Variants in PNLDC1 observed in about 807,000 individuals in gnomAD.
PNLDC1 encodes PARN like ribonuclease domain containing exonuclease 1.
In PNLDC1, 70 loss-of-function variants were observed where a neutral mutation model predicts 82.0. The ratio of observed to expected loss-of-function variants is 0.85; its 90% CI spans 0.70 to 1.04. The LOEUF (loss-of-function observed/expected upper bound fraction) is 1.04. Among genes scored for constraint, PNLDC1 ranks in the 50% least tolerant of loss-of-function variants. The pLI is 0.00. For synonymous variants in PNLDC1, 280 were observed against 249.3 expected (o/e 1.12, Z -1.16); for missense variants, 631 against 661.1 (o/e 0.95, Z 0.50).
chr6:159,800,251 GGGC>G (rs1253311717), upstream of PNLDC1: 6 of 785,582 alleles, frequency 7.6e-6, no homozygotes, highest in African/African-American at 1.7e-4. Context: ...GGAAGCGCGT[GGGC>G]AGCACGTGGG....
Position 159,818,968 on chromosome 6 carries a change from C to T in PNLDC1, c.1280C>T (p.Pro427Leu). The T allele has an allele frequency of 6.2e-7, 1 of 1,613,892 alleles. No individual in the cohort carries two copies. The highest frequency in any genetic ancestry group is 8.5e-7 in the Non-Finnish European group (1 of 1,179,970). ...PKINFSGPDY[P>L]SIRPPILILS... ...TAGAATTTTTCTGGTCCAGATTATC[C>T]CAGTATCCGACCTCCCATCCTCATC... The change falls in exon 17 of 19, where the codon CCC (proline) becomes CTC (leucine). Residue 427 changes from proline to leucine, a missense_variant. Coordinates refer to ENST00000392167, the MANE Select transcript of PNLDC1 (RefSeq NM_001271862.2).
chr6:159,803,940 T>C lies in PNLDC1; in HGVS notation c.249-25T>C, dbSNP rs543114211. ...AGTTTTTTAAATGGTTGTGGCTTTT[T>C]CTCTGTATGTTTGTTTTATTATAGG... On this transcript the variant is annotated intron_variant, in intron 4 of 18. Transcript: ENST00000392167. The C allele has an allele frequency of 2.5e-6, 4 of 1,596,132 alleles. No individual in the cohort carries two copies. In the Admixed American group the frequency reaches 7.2e-5, roughly 29 times the overall value.
In PNLDC1 at chr6:159,809,482, C is replaced by T. The variant is rs563400943; in HGVS notation, c.783+324C>T. Reference sequence around the variant, plus strand: ...TTTTTTTTTTTTTTTTTGGTAGAGACGGGATCTCGCAGTGTTGCCCAGAGT... The same window carrying T: ...TTTTTTTTTTTTTTTTTGGTAGAGATGGGATCTCGCAGTGTTGCCCAGAGT... On this transcript the variant is annotated intron_variant, in intron 9 of 18. Transcript: ENST00000392167. Among the ~76,000 whole-genome samples, 12 of 143,314 alleles carry T rather than the reference C, an allele frequency of 8.4e-5. No individual in the cohort carries two copies. The East Asian group carries it at 1.6e-3, about 19-fold the overall frequency. 94.0% of individuals were successfully genotyped at this position (143,314 alleles called of 152,430 possible).
upstream of PNLDC1, among the ~76,000 whole-genome samples, chr6:159,799,717 C>T (rs1781164810): frequency 6.6e-6 from 1 of 152,066 alleles, no homozygotes. Flanking sequence ...CCAAGGATTC[C>T]TTCAATTTAA....
chr6:159,818,785 CCT>C (rs1385868576), intron 16 of PNLDC1, 131 bp downstream of exon 16: 3 of 1,204,240 alleles, frequency 2.5e-6, no homozygotes, highest in Non-Finnish European at 3.5e-6. Context: ...GTTTTTCTTT[CCT>C]CTCATGTTTC....
intron 10 of PNLDC1, 83 bp from the exon 11 acceptor site, chr6:159,811,618 T>A: frequency 1.9e-6 from 2 of 1,070,326 alleles, no homozygotes; most frequent in Non-Finnish European, 2.9e-6. Flanking sequence ...TCAGTGCCAG[T>A]GGCAAGCTAG....
At chr6:159,801,208 A>G (rs1781241617) in intron 3 of PNLDC1, 22 bp downstream of exon 3, 2 of 1,601,836 alleles carry the variant, frequency 1.2e-6, no homozygotes. Context: ...ATCAGCTGTT[A>G]GAGTTTTTCA....
chr6:159,815,941 T>C (rs1203131002), intron 12 of PNLDC1, 28 bp from the exon 13 acceptor site: 2 of 1,587,982 alleles, frequency 1.3e-6, no homozygotes, highest in Non-Finnish European at 1.7e-6. Context: ...AGCAAATTGT[T>C]TTTTATTCTA....
At chr6:159,817,846 A>G (rs1781888606) in intron 15 of PNLDC1, among the ~76,000 whole-genome samples, 1 of 152,238 alleles carries the variant, frequency 6.6e-6, no homozygotes, top group South Asian at 2.1e-4. Context: ...GGTACTGCCT[A>G]TATTTGTCCA....
chr6:159,803,162 C>T (rs1284352018), intron 3 of PNLDC1, 109 bp from the exon 4 acceptor site: 6 of 939,252 alleles, frequency 6.4e-6, no homozygotes, highest in Admixed American at 1.8e-5. Context: ...GTTGTACAGC[C>T]CACATAGTAT....
intron 15 of PNLDC1, 148 bp from the exon 16 acceptor site, chr6:159,818,407 C>T: frequency 1.4e-6 from 1 of 690,378 alleles, no homozygotes; most frequent in Non-Finnish European, 2.5e-6. Flanking sequence ...AAGCACCCAA[C>T]CAGAGCCCCA....
Position 159,803,980 on chromosome 6 carries a change from T to A in PNLDC1, c.264T>A (p.Ser88=), listed in dbSNP as rs35435543. Residue 88 remains serine (S), a synonymous_variant, in exon 5 of 19, where the codon TCT becomes TCA. Coordinates refer to ENST00000392167, the MANE Select transcript of PNLDC1 (RefSeq NM_001271862.2). The part of the protein sequence containing the change: ...EGEANKYIAH[S]CNFYLFPTTF... Reference sequence around the variant, plus strand: ...TTTATTATAGGTATATAGCCCATTCTTGTAACTTCTATCTCTTCCCTACAA... The same window carrying A: ...TTTATTATAGGTATATAGCCCATTCATGTAACTTCTATCTCTTCCCTACAA... 4 of 1,613,266 alleles carry A rather than the reference T, an allele frequency of 2.5e-6. No homozygotes were observed. Among genetic ancestry groups the A allele is most frequent in the East Asian group, 2.2e-5 (1 of 44,872 alleles).
chr6:159,813,840 C>T (rs1427912335), intron 12 of PNLDC1, among the ~76,000 whole-genome samples, 184 bp downstream of exon 12: 1 of 152,126 alleles, frequency 6.6e-6, no homozygotes, highest in East Asian at 1.9e-4. Flanking sequence ...CCTCCGTTTC[C>T]AAAGAGAGAG....
upstream of PNLDC1, among the ~76,000 whole-genome samples, chr6:159,799,690 G>A (rs756628782): frequency 6.6e-6 from 1 of 152,148 alleles, no homozygotes; most frequent in Non-Finnish European, 1.5e-5. Context: ...GTGAGTGCAC[G>A]AGATAATCCC....
chr6:159,819,159 C>T lies in PNLDC1; in HGVS notation c.1433+38C>T, dbSNP rs535679933. On this transcript the variant is annotated intron_variant, in intron 17 of 18. Coordinates refer to ENST00000392167, the MANE Select transcript of PNLDC1 (RefSeq NM_001271862.2). The surrounding 1 kb of genome is among the most constrained non-coding windows in gnomAD (Gnocchi z 4.6). Reference sequence around the variant, plus strand: ...AAGTCCGCGTCCCCCACCCCTCGTGCGTTCATCCCTGTATCTCTCTGACTC... The same window carrying T: ...AAGTCCGCGTCCCCCACCCCTCGTGTGTTCATCCCTGTATCTCTCTGACTC... 6 of 1,609,600 alleles carry T rather than the reference C, an allele frequency of 3.7e-6. No individual in the cohort carries two copies. The highest frequency in any genetic ancestry group is 2.7e-5 in the African/African-American group (2 of 74,962).
At chr6:159,805,876 T>C in intron 6 of PNLDC1, 107 bp from the exon 7 acceptor site, 1 of 801,596 alleles carries the variant, frequency 1.2e-6, no homozygotes, top group Non-Finnish European at 2.2e-6. Flanking sequence ...CTTTGTATAT[T>C]GCAACATGAA....
chr6:159,801,980 C>G (rs1026252992), intron 3 of PNLDC1, among the ~76,000 whole-genome samples: 5 of 151,952 alleles, frequency 3.3e-5, no homozygotes, highest in Non-Finnish European at 7.4e-5. Context: ...CTCCACCACC[C>G]AGGTTCGGGT....
rs529471420 is a variant in PNLDC1, at chr6:159,818,811, A to G, written c.1258-135A>G. 155 of 1,221,374 alleles carry G rather than the reference A, an allele frequency of 1.3e-4. No individual in the cohort carries two copies. The South Asian group carries it at 2.1e-3, about 17-fold the overall frequency. The allele number at this position is 1,221,374 out of a possible 1,614,324, so 75.7% of individuals were successfully genotyped here. Reference sequence around the variant, plus strand: ...CTCTCATGTTTCTCCACTAAAGCCAACATGGACTCATCCTTCCTTCTCTTC... The same window carrying G: ...CTCTCATGTTTCTCCACTAAAGCCAGCATGGACTCATCCTTCCTTCTCTTC... On this transcript the variant is annotated intron_variant, in intron 16 of 18. Coordinates refer to ENST00000392167, the MANE Select transcript of PNLDC1 (RefSeq NM_001271862.2).
chr6:159,816,538 C>T lies in PNLDC1; in HGVS notation c.1061-5C>T. 1 of 1,613,782 alleles carries T rather than the reference C, an allele frequency of 6.2e-7. No individual in the cohort carries two copies. The highest frequency in any genetic ancestry group is 8.5e-7 in the Non-Finnish European group (1 of 1,179,836). ...TCTCTGTCCTCCTGGTGGAAAATGC[C>T]TCAGTTGAGACAAAGTGCCCCCACG... On this transcript the variant is annotated splice_polypyrimidine_tract_variant and splice_region_variant and intron_variant, in intron 13 of 18. Coordinates refer to ENST00000392167, the MANE Select transcript of PNLDC1 (RefSeq NM_001271862.2).
Sources: allele counts gnomAD v4.1 joint callset (sites outside exome capture counted in the v4.1 genomes callset), GRCh38; gene constraint gnomAD v4.1.1; non-coding constraint Gnocchi (gnomAD v3.1); transcripts MANE v1.5; gene names NCBI Gene and HGNC (gene_info 2026-07-23, HGNC 2026-07-21).